Variants in ARFGEF1 observed in about 807,000 individuals in gnomAD.
ARFGEF1 encodes the protein brefeldin A-inhibited guanine nucleotide-exchange protein 1.
In ARFGEF1, 42 loss-of-function variants were observed where a neutral mutation model predicts 231.0. That is an observed-to-expected ratio of 0.18 (90% CI 0.14 to 0.24). The LOEUF (loss-of-function observed/expected upper bound fraction) is 0.24, where lower values mean the gene tolerates loss of function less well. ARFGEF1 is among the 10% of genes least tolerant of loss of function. The pLI, the probability that ARFGEF1 is intolerant of heterozygous loss-of-function variation, is 1.00. For missense variants in ARFGEF1, 1,345 were observed against 2,192.0 expected (o/e 0.61, Z 7.72); for synonymous variants, 710 against 732.3 (o/e 0.97, Z 0.49).
intron 34 of ARFGEF1, 98 bp from the exon 35 acceptor site, chr8:67,204,917 G>A: frequency 7.1e-7 from 1 of 1,408,190 alleles, no homozygotes; most frequent in Non-Finnish European, 9.8e-7. Flanking sequence ...ACATCAATAT[G>A]TATTCACATA....
chr8:67,194,699 A>AAAAG (rs1554628403), downstream of ARFGEF1, among the ~76,000 whole-genome samples: 156 of 151,824 alleles, frequency 1.0e-3, 1 homozygote, highest in Non-Finnish European at 3.7e-4. Flanking sequence ...AAAAAAAAAA[A>AAAAG]AAGAATATGA....
rs1587363809 is a variant in ARFGEF1 at position 67,343,598 on chromosome 8, T to G, written c.-311A>C. ...CTCTCACTCGTCCCTCCGGCCCTGG[T>G]GGCGGTGAGGGAGCCCGGCCCGGGC... is the stretch of plus-strand genomic sequence containing the variant. On this transcript the variant is annotated 5_prime_UTR_variant, in exon 1 of 39. Coordinates refer to ENST00000262215, the MANE Select transcript of ARFGEF1 (RefSeq NM_006421.5). 2.8e-6 allele frequency: 3 copies of G among 1,053,558 alleles called. No homozygotes were observed. Among genetic ancestry groups the G allele is most frequent in the East Asian group, 7.5e-5 (1 of 13,380 alleles). 65.3% of individuals were successfully genotyped at this position (1,053,558 alleles called of 1,614,324 possible).
chr8:67,181,968 T>C (rs1313867168), intron 5 of ARFGEF1, among the ~76,000 whole-genome samples: 2 of 152,168 alleles, frequency 1.3e-5, no homozygotes, highest in Admixed American at 6.5e-5. Context: ...CATAACATCT[T>C]TGAGGTTTAT....
At chr8:67,238,145 C>G (rs1839825990) in intron 22 of ARFGEF1, among the ~76,000 whole-genome samples, 198 bp downstream of exon 22, 1 of 152,108 alleles carries the variant, frequency 6.6e-6, no homozygotes, top group Non-Finnish European at 1.5e-5. Flanking sequence ...CAGAGAGAAG[C>G]CTGAAACTAA....
At chr8:67,217,658 G>A in intron 32 of ARFGEF1, 124 bp downstream of exon 32, 1 of 1,039,048 alleles carries the variant, frequency 9.6e-7, no homozygotes, top group Non-Finnish European at 1.4e-6. Flanking sequence ...GTAAGAGTAA[G>A]ACAAGCTTAA....
Position 67,266,877 on chromosome 8 carries a change from A to C in ARFGEF1, c.1920T>G (p.Leu640=), listed in dbSNP as rs1166044910. 2 of 1,610,106 alleles carry C rather than the reference A, an allele frequency of 1.2e-6. No homozygotes were observed. The change falls in exon 13 of 39, where the codon CTT becomes CTG. Residue 640 remains leucine, a splice_region_variant and synonymous_variant. Transcript: ENST00000262215. ...QYVNPNSQTT[L]GQEKPSEQEM... ...TTACAGCTCAAAATATCACCTTACCAAGAGTTGTCTGGGAGTTGGGATTCA... is the reference window on the plus strand; with the variant it reads ...TTACAGCTCAAAATATCACCTTACCCAGAGTTGTCTGGGAGTTGGGATTCA...
rs1260160435 is a variant in ARFGEF1 at position 67,271,306 on chromosome 8, TA to T, written c.1572+395del. Among the ~76,000 whole-genome samples the T allele has an allele frequency of 2.0e-5, 3 of 152,164 alleles. No individual in the cohort carries two copies. The East Asian group carries it at 5.8e-4, about 29-fold the overall frequency. Reference sequence around the variant, plus strand: ...CCTCAATCACATCTTTTAAAATGCCTAATACTTACAAATGGTTTAAAATAAT... The same window carrying T: ...CCTCAATCACATCTTTTAAAATGCCTATACTTACAAATGGTTTAAAATAAT... On this transcript the variant is annotated intron_variant, in intron 10 of 38. Coordinates refer to ENST00000262215, the MANE Select transcript of ARFGEF1 (RefSeq NM_006421.5).
rs1353508664 is a variant in ARFGEF1 at position 67,258,156 on chromosome 8, A to G, written c.2370T>C (p.Leu790=). 6.2e-7 allele frequency: 1 copy of G among 1,613,906 alleles called. No homozygotes were observed. The highest frequency in any genetic ancestry group is 8.5e-7 in the Non-Finnish European group (1 of 1,179,952). The change falls in exon 16 of 39, where the codon CTT becomes CTC. Residue 790 remains leucine, a synonymous_variant. Transcript: ENST00000262215. ...GATCGATTTTCTGAGCTTCCCCTGG[A>G]AGACGAAATCCTTCTAGAAACATAC... The part of the protein sequence containing the change: ...ALRMFLEGFR[L]PGEAQKIDRL...
intron 25 of ARFGEF1, 56 bp downstream of exon 25, chr8:67,227,907 A>G: frequency 7.2e-7 from 1 of 1,390,764 alleles, no homozygotes; most frequent in Non-Finnish European, 9.5e-7. Flanking sequence ...TTACAAGGAC[A>G]TTCTAAACAA....
intron 1 of ARFGEF1, among the ~76,000 whole-genome samples, chr8:67,307,553 A>G (rs915987427): frequency 6.6e-5 from 10 of 152,232 alleles, no homozygotes; most frequent in Non-Finnish European, 1.2e-4. Flanking sequence ...TAACTGGATA[A>G]TAGACGTACT....
rs1313234575 is a variant in ARFGEF1 at position 67,253,581 on chromosome 8, A to G, written c.2568T>C (p.Asn856=). The change falls in exon 18 of 39, where the codon AAT becomes AAC. Residue 856 remains asparagine (N), a synonymous_variant. Coordinates refer to ENST00000262215, the MANE Select transcript of ARFGEF1 (RefSeq NM_006421.5). Reference sequence around the variant, plus strand: ...GGTCTTTACTGTCATTGATACCTCTATTCATCTTAATGTATTGTTCCTTTG... The same window carrying G: ...GGTCTTTACTGTCATTGATACCTCTGTTCATCTTAATGTATTGTTCCTTTG... ...KMTKEQYIKM[N]RGINDSKDLP... 1.3e-6 allele frequency: 2 copies of G among 1,570,886 alleles called. No homozygotes were observed. Among genetic ancestry groups the G allele is most frequent in the Non-Finnish European group, 1.7e-6 (2 of 1,147,282 alleles).
intron 32 of ARFGEF1, 55 bp from the exon 33 acceptor site, chr8:67,216,717 C>A: frequency 7.2e-7 from 1 of 1,390,782 alleles, no homozygotes; most frequent in Admixed American, 2.5e-5. Flanking sequence ...CATGCCACAT[C>A]CAGCATATTT....
intron 14 of ARFGEF1, among the ~76,000 whole-genome samples, chr8:67,261,557 T>C (rs1449066583): frequency 6.6e-6 from 1 of 152,252 alleles, no homozygotes; most frequent in Non-Finnish European, 1.5e-5. Context: ...AAAAGATTAC[T>C]GCTCATTGAC....
intron 1 of ARFGEF1, among the ~76,000 whole-genome samples, chr8:67,302,863 C>A (rs1360451721): frequency 7.6e-6 from 1 of 131,270 alleles, no homozygotes; most frequent in Non-Finnish European, 1.5e-5. Context: ...TCACTTGAGG[C>A]AAGGAGTCTG....
At chr8:67,175,624 T>C in intron 5 of ARFGEF1, 2 of 712,230 alleles carry the variant, frequency 2.8e-6, no homozygotes, top group Non-Finnish European at 5.1e-6. Context: ...GTGGCTCCAC[T>C]AGGGTGGTGT....
chr8:67,222,227 A>ATATGTATGTATGTATGTATG (rs35826179), intron 29 of ARFGEF1, among the ~76,000 whole-genome samples: 1 of 115,156 alleles, frequency 8.7e-6, no homozygotes, highest in African/African-American at 3.5e-5. Context: ...ATATATATGT[A>ATATGTATGTATGTATGTATG]TATGTATGTA....
chr8:67,267,759 T>TA (rs1300760875), intron 10 of ARFGEF1, among the ~76,000 whole-genome samples: 1 of 152,198 alleles, frequency 6.6e-6, no homozygotes, highest in Non-Finnish European at 1.5e-5. Flanking sequence ...GAATATAACT[T>TA]ACGCTTTTTT....
intron 1 of ARFGEF1, among the ~76,000 whole-genome samples, chr8:67,329,477 C>T (rs1807996378): frequency 2.0e-5 from 3 of 150,584 alleles, no homozygotes; most frequent in African/African-American, 4.9e-5. Flanking sequence ...TGCAGTGAGC[C>T]GAGATTGTGC....
chr8:67,193,390 C>A, downstream of ARFGEF1: 1 of 1,364,934 alleles, frequency 7.3e-7, no homozygotes, highest in Non-Finnish European at 1.0e-6. Flanking sequence ...AGGCACCATG[C>A]CTGGCCCTGA....
Sources: allele counts gnomAD v4.1 joint callset (sites outside exome capture counted in the v4.1 genomes callset), GRCh38; gene constraint gnomAD v4.1.1; transcripts MANE v1.5; gene names NCBI Gene and HGNC (gene_info 2026-07-23, HGNC 2026-07-21).